The following ST8SIA6 variants were observed in gnomAD, a reference collection of about 807,000 sequenced individuals.
The protein encoded by ST8SIA6 is alpha-2,8-sialyltransferase 8F.
A neutral mutation model predicts 33.6 loss-of-function variants in ST8SIA6; 39 were observed. The ratio of observed to expected loss-of-function variants is 1.16; its 90% CI spans 0.90 to 1.52. The LOEUF (loss-of-function observed/expected upper bound fraction) is 1.52. ST8SIA6 is among the 40% of genes most tolerant of loss of function. The pLI, the probability that ST8SIA6 is intolerant of heterozygous loss-of-function variation, is 0.00. For missense variants in ST8SIA6, 441 were observed against 443.8 expected (o/e 0.99, Z 0.06); for synonymous variants, 172 against 167.2 (o/e 1.03, Z -0.22).
chr10:17,335,869 T>C (rs1016409487), intron 4 of ST8SIA6, among the ~76,000 whole-genome samples: 2 of 152,186 alleles, frequency 1.3e-5, no homozygotes, highest in Non-Finnish European at 2.9e-5. Flanking sequence ...TCTCTAAGGA[T>C]ATTCAATGCC....
At chr10:17,450,981 C>T (rs901420697) in intron 2 of ST8SIA6, among the ~76,000 whole-genome samples, 3 of 152,170 alleles carry the variant, frequency 2.0e-5, no homozygotes, top group Non-Finnish European at 4.4e-5. Context: ...TCTGGATTCT[C>T]CTGGCCTGGG....
chr10:17,354,303 A>C (rs1312347403), intron 4 of ST8SIA6, among the ~76,000 whole-genome samples: 1 of 152,186 alleles, frequency 6.6e-6, no homozygotes, highest in Non-Finnish European at 1.5e-5. Flanking sequence ...ATTATCCATC[A>C]GTTTTCTAAA....
intron 4 of ST8SIA6, among the ~76,000 whole-genome samples, chr10:17,355,067 A>G (rs1026679271): frequency 8.5e-5 from 13 of 152,322 alleles, no homozygotes; most frequent in Admixed American, 1.3e-4. Context: ...CACAACAAGA[A>G]AGTTAAAATA....
At chr10:17,360,125 T>C (rs1387825242) in intron 3 of ST8SIA6, among the ~76,000 whole-genome samples, 1 of 152,154 alleles carries the variant, frequency 6.6e-6, no homozygotes, top group African/African-American at 2.4e-5. Flanking sequence ...TAGAGTGGTA[T>C]AGTTTGAGAA....
At position 17,359,497 on chromosome 10, in the gene ST8SIA6, T is replaced by A. The variant is rs757392693; in HGVS notation, c.377+17A>T. ...AAGACATTTTTAAAATCTCATATTATTTATGAAAAAAATTACCTAAAATTT... is the reference window on the plus strand; with the variant it reads ...AAGACATTTTTAAAATCTCATATTAATTATGAAAAAAATTACCTAAAATTT... On this transcript the variant is annotated intron_variant, in intron 4 of 7. Coordinates refer to ENST00000377602, the MANE Select transcript of ST8SIA6 (RefSeq NM_001004470.3). 4 of 1,552,360 alleles carry A rather than the reference T, an allele frequency of 2.6e-6. No individual in the cohort carries two copies. In the South Asian group the frequency reaches 3.5e-5, roughly 14 times the overall value.
chr10:17,387,144 A>C (rs893101176), intron 3 of ST8SIA6: 2 of 152,342 alleles, frequency 1.3e-5, no homozygotes, highest in African/African-American at 4.8e-5. Context: ...GTGAAAAGCT[A>C]TGAGGGTGAA....
intron 2 of ST8SIA6, among the ~76,000 whole-genome samples, chr10:17,393,588 T>C (rs2131666920): frequency 6.6e-6 from 1 of 152,204 alleles, no homozygotes; most frequent in South Asian, 2.1e-4. Flanking sequence ...CACCCTCCTG[T>C]GTCCCCAGAG....
intron 2 of ST8SIA6, among the ~76,000 whole-genome samples, chr10:17,419,901 T>C (rs1161154222): frequency 1.3e-5 from 2 of 152,234 alleles, no homozygotes; most frequent in East Asian, 3.8e-4. Flanking sequence ...GAATCTGATA[T>C]CATGCAGTCA....
At chr10:17,379,962 C>T (rs558312736) in intron 3 of ST8SIA6, among the ~76,000 whole-genome samples, 1 of 152,300 alleles carries the variant, frequency 6.6e-6, no homozygotes, top group East Asian at 1.9e-4. Flanking sequence ...CTAGTACCAG[C>T]ATGAGCTAAC....
intron 3 of ST8SIA6, among the ~76,000 whole-genome samples, chr10:17,378,246 T>C (rs11595156): frequency 0.064 from 9,759 of 152,202 alleles, 510 homozygotes; most frequent in East Asian, 0.31. Context: ...GTTGTCAAAT[T>C]CTCTGCCTTG....
chr10:17,372,219 G>A (rs1300028091), intron 3 of ST8SIA6, among the ~76,000 whole-genome samples: 2 of 152,186 alleles, frequency 1.3e-5, no homozygotes. Context: ...GTACTGCTAC[G>A]TAAGATAATG....
chr10:17,448,216 G>A (rs956799189), intron 2 of ST8SIA6, among the ~76,000 whole-genome samples: 7 of 152,282 alleles, frequency 4.6e-5, no homozygotes, highest in South Asian at 2.1e-4. Context: ...AATAGCAGGC[G>A]AACCTCTATA....
At chr10:17,340,924 C>T (rs1159577806) in intron 4 of ST8SIA6, among the ~76,000 whole-genome samples, 1 of 152,204 alleles carries the variant, frequency 6.6e-6, no homozygotes, top group African/African-American at 2.4e-5. Flanking sequence ...CTTCATATCC[C>T]AGTGACTGCT....
chr10:17,330,131 C>A (rs781150589), intron 5 of ST8SIA6, among the ~76,000 whole-genome samples: 22 of 152,128 alleles, frequency 1.4e-4, no homozygotes, highest in Non-Finnish European at 2.1e-4. Flanking sequence ...AGAATTTCCT[C>A]TCCCCAGTTT....
At chr10:17,388,254 C>G (rs1219611125) in intron 3 of ST8SIA6, among the ~76,000 whole-genome samples, 1 of 152,198 alleles carries the variant, frequency 6.6e-6, no homozygotes, top group Non-Finnish European at 1.5e-5. Flanking sequence ...CTCCTGGATC[C>G]TGGATTCCAT....
At chr10:17,326,398 A>ATTAG (rs997624546) in intron 6 of ST8SIA6, among the ~76,000 whole-genome samples, 7 of 152,196 alleles carry the variant, frequency 4.6e-5, no homozygotes, top group African/African-American at 1.7e-4. Flanking sequence ...GGTATGGCTT[A>ATTAG]TTAGTACAAG....
At chr10:17,377,408 G>A (rs1286898286) in intron 3 of ST8SIA6, among the ~76,000 whole-genome samples, 1 of 152,156 alleles carries the variant, frequency 6.6e-6, no homozygotes, top group Admixed American at 6.5e-5. Flanking sequence ...AACAGAGATG[G>A]TATAAAAATG....
rs1847879854 is a variant in ST8SIA6, at chr10:17,319,596, T to C, written c.*1282A>G. 6.6e-6 allele frequency among the ~76,000 whole-genome samples: 1 copy of C among 152,194 alleles called. No homozygotes were observed. Among genetic ancestry groups the C allele is most frequent in the South Asian group, 2.1e-4 (1 of 4,832 alleles). ...GTTTGATCTCACACCATTTGGAATA[T>C]TTCTGAAATCCATATCAGTGATACT... On this transcript the variant is annotated 3_prime_UTR_variant, in exon 8 of 8. Coordinates refer to ENST00000377602, the MANE Select transcript of ST8SIA6 (RefSeq NM_001004470.3).
Position 17,347,504 on chromosome 10 carries a change from G to GA in ST8SIA6, c.377+12009dup, listed in dbSNP as rs148645517. ...TTTAATTCATGCTAAGACTTGTAAA[G>GA]AAAAAAAAAACGGGATCACGTTGCA... On this transcript the variant is annotated intron_variant, in intron 4 of 7. Transcript: ENST00000377602. 2.0e-4 allele frequency among the ~76,000 whole-genome samples: 30 copies of GA among 146,754 alleles called. No homozygotes were observed. The South Asian group carries it at 2.2e-3, about 11-fold the overall frequency.
Sources: allele counts gnomAD v4.1 joint callset (sites outside exome capture counted in the v4.1 genomes callset), GRCh38; gene constraint gnomAD v4.1.1; transcripts MANE v1.5; gene names NCBI Gene and HGNC (gene_info 2026-07-23, HGNC 2026-07-21).